Variants in NAV1 observed in about 807,000 individuals in gnomAD.
The protein encoded by NAV1 is neuron navigator 1.
NAV1 carries 18 observed loss-of-function variants against 175.2 expected under a neutral mutation model. The ratio of observed to expected loss-of-function variants is 0.10; its 90% CI spans 0.07 to 0.15. The LOEUF is 0.15. Ranked by LOEUF, NAV1 falls within the 10% of genes least tolerant of loss-of-function variation. The pLI is 1.00. For synonymous variants in NAV1, 897 were observed against 978.7 expected, an observed-to-expected ratio of 0.92 and a Z score of 1.56; for missense variants, 1,731 against 2,436.6, an observed-to-expected ratio of 0.71 and a Z score of 6.10.
chr1:201,681,647 T>C (rs1178093127), intron 1 of NAV1, among the ~76,000 whole-genome samples: 1 of 152,204 alleles, frequency 6.6e-6, no homozygotes, highest in South Asian at 2.1e-4. Context: ...ACTTCCTCCA[T>C]CTTCACCTAT....
At chr1:201,548,367 C>G (rs1056457212) in intron 1 of NAV1, among the ~76,000 whole-genome samples, 19 of 152,118 alleles carry the variant, frequency 1.2e-4, no homozygotes, top group African/African-American at 3.6e-4. Flanking sequence ...ACTCACCCCC[C>G]AATCTGTACA....
chr1:201,567,324 G>T (rs1219521114), intron 1 of NAV1, among the ~76,000 whole-genome samples: 1 of 152,230 alleles, frequency 6.6e-6, no homozygotes, highest in Non-Finnish European at 1.5e-5. Flanking sequence ...ACAGGTACGA[G>T]GGCATTGGCT....
rs1665432260 is a variant in NAV1, at chr1:201,539,307, G to C, written c.-179G>C. 6.6e-6 allele frequency among the ~76,000 whole-genome samples: 1 copy of C among 151,896 alleles called. No homozygotes were observed. Among genetic ancestry groups the C allele is most frequent in the Non-Finnish European group, 1.5e-5 (1 of 67,948 alleles). On this transcript the variant is annotated 5_prime_UTR_variant, in exon 1 of 34. Transcript: ENST00000685211. This position sits in a 1 kb window ranked among gnomAD's most constrained non-coding sequence, Gnocchi z 5.6. ...GGGATGCGCGACTCTGCGCGGCTGC[G>C]GCGCGGACCCGGAGCCCGGGCGGGC... is the stretch of plus-strand genomic sequence containing the variant.
intron 1 of NAV1, among the ~76,000 whole-genome samples, chr1:201,679,563 C>T (rs1186321203): frequency 1.3e-5 from 2 of 152,208 alleles, no homozygotes; most frequent in Non-Finnish European, 2.9e-5. Context: ...AATAACTCTG[C>T]ACATTGCTGT....
chr1:201,820,802 A>G (rs1571525759), exon 30 of NAV1: 1 of 147,988 alleles, frequency 6.8e-6, no homozygotes. Context: ...TTGCCTATTT[A>G]TTTTTTTGTT....
intron 2 of NAV1, among the ~76,000 whole-genome samples, chr1:201,617,644 C>A (rs1378484720): frequency 6.6e-6 from 1 of 152,180 alleles, no homozygotes; most frequent in Non-Finnish European, 1.5e-5. Flanking sequence ...GGGAGGATCA[C>A]TTAAGCCTGG....
At chr1:201,785,423 C>T in intron 8 of NAV1, 72 bp downstream of exon 12, 10 of 1,461,128 alleles carry the variant, frequency 6.8e-6, no homozygotes, top group Non-Finnish European at 9.5e-6. Context: ...ATATCTCAAC[C>T]TGTCCAAGGC....
At chr1:201,655,252 C>T (rs930496362) in intron 1 of NAV1, among the ~76,000 whole-genome samples, 1 of 151,958 alleles carries the variant, frequency 6.6e-6, no homozygotes, top group African/African-American at 2.4e-5. Flanking sequence ...AGGAAGCTCT[C>T]CTCCCCAAAG....
intron 1 of NAV1, among the ~76,000 whole-genome samples, chr1:201,659,792 C>T (rs574417340): frequency 9.2e-5 from 14 of 152,278 alleles, no homozygotes; most frequent in South Asian, 6.2e-4. Flanking sequence ...TGAAGACAGC[C>T]GGCTGCGCTG....
chr1:201,804,472 T>C lies in NAV1; in HGVS notation c.3640-17T>C, dbSNP rs1487164740. ...TTTCCTTCAAAATGCTGACTCCAAA[T>C]CCCTATTTTTTTCCAGGTCTATGAG... On this transcript the variant is annotated splice_polypyrimidine_tract_variant and intron_variant, in intron 16 of 29. Transcript: ENST00000367296. 9 of 1,539,534 alleles carry C rather than the reference T, an allele frequency of 5.8e-6. No individual in the cohort carries two copies. Among genetic ancestry groups the C allele is most frequent in the Admixed American group, 2.0e-5 (1 of 49,244 alleles).
intron 1 of NAV1, 48 bp downstream of exon 3, chr1:201,623,654 G>A: frequency 2.0e-6 from 2 of 986,286 alleles, no homozygotes; most frequent in Non-Finnish European, 2.4e-6. Flanking sequence ...GCCATGCTGG[G>A]ACCAAGGGGC....
intron 2 of NAV1, among the ~76,000 whole-genome samples, chr1:201,608,702 CT>C (rs36009004): frequency 0.13 from 19,287 of 152,120 alleles, 1,671 homozygotes; most frequent in East Asian, 0.37. Flanking sequence ...GCTCATGGGA[CT>C]TTTTTTCTGA....
chr1:201,639,951 TG>T (rs1668705659), intron 2 of NAV1, among the ~76,000 whole-genome samples: 1 of 152,156 alleles, frequency 6.6e-6, no homozygotes, highest in South Asian at 2.1e-4. Flanking sequence ...CTTGCCCTGT[TG>T]GTGTAGAAAT....
In NAV1 at chr1:201,768,285, C is replaced by T. The variant is rs879558515; in HGVS notation, c.1227-12136C>T. On this transcript the variant is annotated intron_variant, in intron 3 of 29. Transcript: ENST00000367296. ...CAGAGGTTGTGGTGAGCCAAGATTGCGCCATTGCACTGCAGCCTGGGCAAC... is the reference window on the plus strand; with the variant it reads ...CAGAGGTTGTGGTGAGCCAAGATTGTGCCATTGCACTGCAGCCTGGGCAAC... 2.8e-5 allele frequency among the ~76,000 whole-genome samples: 4 copies of T among 145,024 alleles called. No homozygotes were observed. In the East Asian group the frequency reaches 8.0e-4, roughly 29 times the overall value.
chr1:201,817,664 T>C (rs1464905810), intron 29 of NAV1, among the ~76,000 whole-genome samples: 1 of 152,134 alleles, frequency 6.6e-6, no homozygotes, highest in Non-Finnish European at 1.5e-5. Flanking sequence ...CCCAGCAAGA[T>C]GTATTCTAGC....
At chr1:201,732,174 A>G (rs561515031) in intron 3 of NAV1, among the ~76,000 whole-genome samples, 1 of 152,066 alleles carries the variant, frequency 6.6e-6, no homozygotes, top group East Asian at 1.9e-4. Context: ...CAGTGGCACA[A>G]TCATGGTTCA....
chr1:201,649,031 C>A (rs764051318), exon 1 of NAV1: 2 of 1,613,642 alleles, frequency 1.2e-6, no homozygotes, highest in East Asian at 2.2e-5. Flanking sequence ...CGCCCAAAGG[C>A]TTAGGCAAGG....
chr1:201,752,404 A>G (rs1354340247), intron 3 of NAV1, among the ~76,000 whole-genome samples: 1 of 152,202 alleles, frequency 6.6e-6, no homozygotes, highest in Non-Finnish European at 1.5e-5. Context: ...AGAGAATCTT[A>G]GTGGGGGAGG....
At chr1:201,574,164 A>G (rs1332651782) in intron 1 of NAV1, among the ~76,000 whole-genome samples, 2 of 152,204 alleles carry the variant, frequency 1.3e-5, no homozygotes, top group Non-Finnish European at 2.9e-5. Context: ...ACAAGGGAGA[A>G]AACAAGAAGT....
Sources: allele counts gnomAD v4.1 joint callset (sites outside exome capture counted in the v4.1 genomes callset), GRCh38; gene constraint gnomAD v4.1.1; non-coding constraint Gnocchi (gnomAD v3.1); transcripts MANE v1.5; gene names NCBI Gene and HGNC (gene_info 2026-07-23, HGNC 2026-07-21).